The following PPP3CA variants were observed in gnomAD, a reference collection of about 807,000 sequenced individuals.
PPP3CA encodes the protein protein phosphatase 3 catalytic subunit alpha.
PPP3CA carries 14 observed loss-of-function variants against 66.5 expected under a neutral mutation model. The observed-to-expected ratio is 0.21, with a 90% CI of 0.14 to 0.33. The LOEUF is 0.33. Ranked by LOEUF, PPP3CA falls within the 10% of genes least tolerant of loss-of-function variation. The pLI, the probability that PPP3CA is intolerant of heterozygous loss-of-function variation, is 1.00. For missense variants in PPP3CA, 317 were observed against 639.5 expected, an observed-to-expected ratio of 0.50 and a Z score of 5.44; for synonymous variants, 232 against 226.2, an observed-to-expected ratio of 1.03 and a Z score of -0.23.
intron 1 of PPP3CA, among the ~76,000 whole-genome samples, chr4:101,335,193 G>T (rs1390959235): frequency 6.6e-6 from 1 of 152,052 alleles, no homozygotes; most frequent in African/African-American, 2.4e-5. Flanking sequence ...GAAGCCACTG[G>T]TCTCCTTCAT....
chr4:101,124,723 A>AAGAGAGAGAGAG (rs371341410), intron 2 of PPP3CA, among the ~76,000 whole-genome samples: 4 of 48,178 alleles, frequency 8.3e-5, no homozygotes, highest in Non-Finnish European at 1.8e-4. Context: ...GAAAGAAAGA[A>AAGAGAGAGAGAG]AGAGAAAGAA....
At chr4:101,191,868 G>C (rs1288689690) in intron 2 of PPP3CA, among the ~76,000 whole-genome samples, 1 of 152,084 alleles carries the variant, frequency 6.6e-6, no homozygotes, top group Non-Finnish European at 1.5e-5. Context: ...GGCAGGCCCC[G>C]GCACTGAGGG....
At position 101,212,560 on chromosome 4, in the gene PPP3CA, G is replaced by A. The variant is rs1578558914; in HGVS notation, c.59-16444C>T. On this transcript the variant is annotated intron_variant, in intron 1 of 13. Transcript: ENST00000394854. The stretch of plus-strand genomic sequence containing the variant: ...GATGATCTGTGCAGCAAACCACCAT[G>A]GCACACGTTTACCTACGTAACAAAC... 2.0e-5 allele frequency among the ~76,000 whole-genome samples: 3 copies of A among 152,052 alleles called. No homozygotes were observed. The Middle Eastern group carries it at 0.01, about 517-fold the overall frequency.
intron 10 of PPP3CA, among the ~76,000 whole-genome samples, chr4:101,047,782 G>T (rs1356343644): frequency 6.6e-6 from 1 of 151,906 alleles, no homozygotes; most frequent in Non-Finnish European, 1.5e-5. Context: ...TATATTTAGA[G>T]ATTTAACTAA....
chr4:101,052,544 A>G (rs1295553853), intron 10 of PPP3CA, among the ~76,000 whole-genome samples: 1 of 152,022 alleles, frequency 6.6e-6, no homozygotes, highest in Non-Finnish European at 1.5e-5. Context: ...TTTAAATTAG[A>G]CACAAAAATA....
intron 8 of PPP3CA, among the ~76,000 whole-genome samples, chr4:101,066,161 C>T (rs1052517642): frequency 1.3e-5 from 2 of 152,074 alleles, no homozygotes; most frequent in Non-Finnish European, 2.9e-5. Flanking sequence ...GTCTCTGATC[C>T]TTCTAGTACA....
chr4:101,123,421 G>C (rs1722092770), intron 2 of PPP3CA, among the ~76,000 whole-genome samples: 1 of 152,174 alleles, frequency 6.6e-6, no homozygotes, highest in Admixed American at 6.5e-5. Flanking sequence ...AGAACAGTGG[G>C]ACATGAAAGG....
At chr4:101,047,218 C>T (rs1727803776) in intron 10 of PPP3CA, among the ~76,000 whole-genome samples, 1 of 152,048 alleles carries the variant, frequency 6.6e-6, no homozygotes, top group Non-Finnish European at 1.5e-5. Context: ...AGTACATTGT[C>T]CTACACCACC....
intron 2 of PPP3CA, among the ~76,000 whole-genome samples, chr4:101,145,805 T>C (rs1024160529): frequency 2.2e-4 from 33 of 152,186 alleles, no homozygotes; most frequent in Admixed American, 1.9e-3. Context: ...ATAGAATATT[T>C]AAAAAGAAAT....
intron 3 of PPP3CA, 42 bp from the exon 4 acceptor site, chr4:101,099,764 T>G: frequency 8.9e-7 from 1 of 1,118,232 alleles, no homozygotes; most frequent in Non-Finnish European, 1.2e-6. Context: ...TATTTTTCCT[T>G]AACACTTATG....
intron 10 of PPP3CA, among the ~76,000 whole-genome samples, chr4:101,050,254 T>C (rs1174757544): frequency 2.0e-5 from 3 of 152,160 alleles, no homozygotes; most frequent in Non-Finnish European, 2.9e-5. Context: ...TGAAATGTTC[T>C]GGGAAGTACT....
rs1008821820 is a variant in PPP3CA, at chr4:101,339,273, T to C, written c.58+7466A>G. Among the ~76,000 whole-genome samples, 14 of 152,314 alleles carry C rather than the reference T, an allele frequency of 9.2e-5. No homozygotes were observed. The East Asian group carries it at 2.3e-3, about 25-fold the overall frequency. On this transcript the variant is annotated intron_variant, in intron 1 of 13. Transcript: ENST00000394854. ...TTTACCAGGTCATTTTATCTTCAAG[T>C]CCAAATCTAGACAATAACTAAAATA... is the stretch of plus-strand genomic sequence containing the variant.
intron 2 of PPP3CA, among the ~76,000 whole-genome samples, chr4:101,189,948 G>A (rs1724545031): frequency 1.3e-5 from 2 of 151,940 alleles, no homozygotes; most frequent in Admixed American, 6.6e-5. Flanking sequence ...TACTGACTCA[G>A]AAAGAGAATA....
chr4:101,285,380 TC>T (rs1254060858), intron 1 of PPP3CA, among the ~76,000 whole-genome samples: 3 of 151,964 alleles, frequency 2.0e-5, no homozygotes, highest in African/African-American at 7.3e-5. Flanking sequence ...TAGATTTACA[TC>T]TAATATCACT....
intron 8 of PPP3CA, among the ~76,000 whole-genome samples, chr4:101,080,041 T>G (rs973253616): frequency 6.6e-6 from 1 of 152,204 alleles, no homozygotes; most frequent in South Asian, 2.1e-4. Flanking sequence ...GTTTACTTTT[T>G]TTTGCTTTTT....
At chr4:101,328,107 C>T (rs1203638813) in intron 1 of PPP3CA, among the ~76,000 whole-genome samples, 1 of 152,148 alleles carries the variant, frequency 6.6e-6, no homozygotes, top group Non-Finnish European at 1.5e-5. Context: ...GAAATTGGAG[C>T]TCCCCGAATT....
chr4:101,276,306 T>C (rs1435461983), intron 1 of PPP3CA, among the ~76,000 whole-genome samples: 1 of 152,176 alleles, frequency 6.6e-6, no homozygotes, highest in Non-Finnish European at 1.5e-5. Flanking sequence ...CTGAAGCCTC[T>C]AGAACAAAAC....
At chr4:101,303,825 G>A (rs1728453889) in intron 1 of PPP3CA, among the ~76,000 whole-genome samples, 1 of 152,082 alleles carries the variant, frequency 6.6e-6, no homozygotes, top group African/African-American at 2.4e-5. Context: ...GTCCTCTTAA[G>A]TGCACCAATT....
intron 2 of PPP3CA, among the ~76,000 whole-genome samples, chr4:101,193,386 C>G (rs189475702): frequency 6.6e-6 from 1 of 152,030 alleles, no homozygotes; most frequent in South Asian, 2.1e-4. Flanking sequence ...AGGAAAAATA[C>G]TTTTCTTTAC....
Sources: allele counts gnomAD v4.1 joint callset (sites outside exome capture counted in the v4.1 genomes callset), GRCh38; gene constraint gnomAD v4.1.1; transcripts MANE v1.5; gene names NCBI Gene and HGNC (gene_info 2026-07-23, HGNC 2026-07-21).